Variants in CPXM2 observed in about 807,000 individuals in gnomAD.
CPXM2 encodes inactive carboxypeptidase-like protein X2.
A neutral mutation model predicts 86.1 loss-of-function variants in CPXM2; 66 were observed. The ratio of observed to expected loss-of-function variants is 0.77; its 90% CI spans 0.63 to 0.94. CPXM2 has a LOEUF of 0.94. CPXM2 is among the 40% of genes least tolerant of loss of function. The pLI is 0.00. For missense variants in CPXM2, 948 were observed against 1,026.3 expected, an observed-to-expected ratio of 0.92 and a Z score of 1.04; for synonymous variants, 388 against 400.2, an observed-to-expected ratio of 0.97 and a Z score of 0.36.
At chr10:123,822,600 A>C (rs1211901554) in intron 4 of CPXM2, among the ~76,000 whole-genome samples, 2 of 152,154 alleles carry the variant, frequency 1.3e-5, no homozygotes, top group African/African-American at 4.8e-5. Context: ...TTTGAGCTAA[A>C]GAGTCAAGAT....
chr10:123,936,788 C>A (rs1945725025), intron 2 of CPXM2, among the ~76,000 whole-genome samples: 1 of 152,216 alleles, frequency 6.6e-6, no homozygotes. Context: ...TCGGGCCCCA[C>A]TGCCCCTTCC....
At chr10:123,863,516 G>GC (rs1157168925) in intron 2 of CPXM2, among the ~76,000 whole-genome samples, 2 of 152,184 alleles carry the variant, frequency 1.3e-5, no homozygotes, top group Non-Finnish European at 2.9e-5. Flanking sequence ...CCCAGGGTTT[G>GC]CCCTCACACC....
intron 3 of CPXM2, among the ~76,000 whole-genome samples, chr10:123,844,214 G>A (rs557038478): frequency 7.2e-4 from 110 of 152,022 alleles, no homozygotes; most frequent in African/African-American, 2.5e-3. Context: ...TGATGCCTCC[G>A]AGAAACCACG....
chr10:123,940,953 C>T (rs369221926), upstream of CPXM2, among the ~76,000 whole-genome samples: 8 of 152,206 alleles, frequency 5.3e-5, no homozygotes, highest in East Asian at 3.9e-4. Context: ...GGGCGGATCA[C>T]GAGGTCAGGA....
chr10:123,877,102 C>A (rs951459264), intron 2 of CPXM2, among the ~76,000 whole-genome samples: 2 of 152,246 alleles, frequency 1.3e-5, no homozygotes, highest in Admixed American at 1.3e-4. Flanking sequence ...CATCTGGCTG[C>A]AAACAAAGGG....
chr10:123,869,063 G>A (rs1189653337), intron 2 of CPXM2, among the ~76,000 whole-genome samples: 2 of 152,136 alleles, frequency 1.3e-5, no homozygotes, highest in Non-Finnish European at 2.9e-5. Context: ...CGGAGGAGAA[G>A]CAAGGTTTCA....
chr10:123,812,604 T>C (rs1847717052), intron 4 of CPXM2, among the ~76,000 whole-genome samples: 1 of 152,170 alleles, frequency 6.6e-6, no homozygotes, highest in Admixed American at 6.5e-5. Context: ...ACTGGTCTGT[T>C]GCCTGTTAGG....
intron 2 of CPXM2, among the ~76,000 whole-genome samples, chr10:123,906,673 C>A (rs540780421): frequency 6.6e-6 from 1 of 152,294 alleles, no homozygotes; most frequent in East Asian, 1.9e-4. Context: ...GCCTCATGTG[C>A]CCTGAAGACC....
At chr10:123,795,828 T>C (rs957362821) in intron 6 of CPXM2, among the ~76,000 whole-genome samples, 1 of 152,192 alleles carries the variant, frequency 6.6e-6, no homozygotes, top group Non-Finnish European at 1.5e-5. Flanking sequence ...AGGGCCCATC[T>C]TCAAACACGC....
intron 3 of CPXM2, among the ~76,000 whole-genome samples, chr10:123,850,655 T>C (rs1848580958): frequency 6.6e-6 from 1 of 152,240 alleles, no homozygotes; most frequent in South Asian, 2.1e-4. Context: ...GGTATTGATA[T>C]TGGTAATTCA....
At chr10:123,937,430 C>A (rs1284370525) in intron 2 of CPXM2, among the ~76,000 whole-genome samples, 1 of 151,162 alleles carries the variant, frequency 6.6e-6, no homozygotes, top group Non-Finnish European at 1.5e-5. Flanking sequence ...CAACAGGCAT[C>A]CCCAGCTTTC....
At chr10:123,767,235 C>T in intron 9 of CPXM2, 83 bp from the exon 10 acceptor site, 1 of 1,277,632 alleles carries the variant, frequency 7.8e-7, no homozygotes, top group South Asian at 1.3e-5. Context: ...TCTGTCTCCA[C>T]TTCCCCTTGG....
rs1647491638 is a variant in CPXM2 at position 123,902,376 on chromosome 10, T to C, written n.175-22067A>G. ...TCTGCAGAGTGGGGGAATCCTGTCC[T>C]AACCTGATAGAGAATTATGGTGAGA... On this transcript the variant is annotated intron_variant and non_coding_transcript_variant, in intron 2 of 19. Transcript: ENST00000368854. Among the ~76,000 whole-genome samples, 4 of 152,228 alleles carry C rather than the reference T, an allele frequency of 2.6e-5. No individual in the cohort carries two copies. In the South Asian group the frequency reaches 8.3e-4, roughly 31 times the overall value.
chr10:123,775,267 C>T (rs2134017481), intron 7 of CPXM2, among the ~76,000 whole-genome samples: 1 of 152,350 alleles, frequency 6.6e-6, no homozygotes, highest in South Asian at 2.1e-4. Context: ...CCCATATACT[C>T]GTCCCTGCTG....
intron 4 of CPXM2, among the ~76,000 whole-genome samples, chr10:123,808,100 C>T (rs1007166393): frequency 6.6e-6 from 1 of 151,630 alleles, no homozygotes; most frequent in Non-Finnish European, 1.5e-5. Context: ...CCCTCCAATC[C>T]AGCCTTCCTT....
intron 2 of CPXM2, among the ~76,000 whole-genome samples, chr10:123,915,552 T>C (rs1422116718): frequency 7.7e-6 from 1 of 129,382 alleles, no homozygotes; most frequent in Non-Finnish European, 1.8e-5. Flanking sequence ...AGCGAGATTG[T>C]CAAAAAAAAT....
intron 6 of CPXM2, among the ~76,000 whole-genome samples, chr10:123,788,313 T>C (rs561450567): frequency 7.4e-5 from 11 of 147,988 alleles, no homozygotes; most frequent in Middle Eastern, 3.6e-3. Flanking sequence ...GAAAAAGGAA[T>C]GCAAATACAG....
At chr10:123,845,150 A>G (rs1375940161) in intron 3 of CPXM2, among the ~76,000 whole-genome samples, 1 of 152,050 alleles carries the variant, frequency 6.6e-6, no homozygotes, top group Non-Finnish European at 1.5e-5. Flanking sequence ...CTCTGAAAAG[A>G]AAGCAAACTG....
rs949204456 is a variant in CPXM2 at position 123,762,304 on chromosome 10, T to C, written c.1480-135A>G. The C allele has an allele frequency of 6.1e-5, 77 of 1,264,782 alleles. No individual in the cohort carries two copies. In the African/African-American group the frequency reaches 9.9e-4, roughly 16 times the overall value. 78.3% of individuals were successfully genotyped at this position (1,264,782 alleles called of 1,614,324 possible). On this transcript the variant is annotated intron_variant, in intron 10 of 13. Transcript: ENST00000241305. Reference sequence around the variant, plus strand: ...GTAAAGTTCAGAATTTCAAAACCAATTCTGGGAAAATGTGAAGGAGACTTA... The same window carrying C: ...GTAAAGTTCAGAATTTCAAAACCAACTCTGGGAAAATGTGAAGGAGACTTA...
Sources: gnomAD v4.1 joint callset for allele counts (sites outside exome capture counted in the v4.1 genomes callset) on GRCh38, gnomAD v4.1.1 for gene constraint, MANE v1.5 for transcripts, NCBI Gene and HGNC (gene_info 2026-07-23, HGNC 2026-07-21) for gene names.